Variants in CSMD1 observed in about 807,000 individuals in gnomAD.
CSMD1 encodes CUB and sushi domain-containing protein 1.
A neutral mutation model predicts 417.5 loss-of-function variants in CSMD1; 213 were observed. The observed-to-expected ratio is 0.51, with a 90% CI of 0.46 to 0.57. The LOEUF is 0.57. Among genes scored for constraint, CSMD1 ranks in the 20% least tolerant of loss-of-function variants. The pLI, the probability that CSMD1 is intolerant of heterozygous loss-of-function variation, is 0.00. For missense variants in CSMD1, 6,923 were observed against 4,529.7 expected, an observed-to-expected ratio of 1.53 and a Z score of -15.17; for synonymous variants, 2,862 against 1,736.8, an observed-to-expected ratio of 1.65 and a Z score of -16.11.
intron 4 of CSMD1, among the ~76,000 whole-genome samples, chr8:4,018,309 T>C (rs1796619921): frequency 1.3e-5 from 2 of 152,052 alleles, no homozygotes; most frequent in Admixed American, 1.3e-4. Flanking sequence ...GTGGCCATTT[T>C]TATCAAGGCC....
At chr8:4,761,875 CTATCTATCTAT>C (rs1812104740) in intron 1 of CSMD1, among the ~76,000 whole-genome samples, 48 of 94,068 alleles carry the variant, frequency 5.1e-4, no homozygotes, top group Non-Finnish European at 1.0e-3. Flanking sequence ...ATCTATCTAT[CTATCTATCTAT>C]CTACCTACCT....
chr8:3,048,913 T>A (rs1028241868), intron 50 of CSMD1, among the ~76,000 whole-genome samples: 2 of 146,930 alleles, frequency 1.4e-5, no homozygotes, highest in Non-Finnish European at 3.0e-5. Flanking sequence ...TGGCTAAAAA[T>A]GGGCAAAAGG....
At chr8:4,091,710 G>C (rs530827390) in intron 3 of CSMD1, among the ~76,000 whole-genome samples, 57 of 152,280 alleles carry the variant, frequency 3.7e-4, no homozygotes, top group Middle Eastern at 6.8e-3. Flanking sequence ...GCTGATAAAG[G>C]CACAAGCCTC....
rs1319224762 is a variant in CSMD1 at position 3,308,384 on chromosome 8, G to A, written c.3751C>T (p.His1251Tyr). The change falls in exon 24 of 70, where the codon CAT becomes TAT. Residue 1251 changes from histidine (H) to tyrosine (Y), a missense_variant. Coordinates refer to ENST00000635120, the MANE Select transcript of CSMD1 (RefSeq NM_033225.6). ...AAACAGGTCAGGGTGTTGCTGCCATGCATGGCGTACCCCGGGTTGCAACTG... is the reference window on the plus strand; with the variant it reads ...AAACAGGTCAGGGTGTTGCTGCCATACATGGCGTACCCCGGGTTGCAACTG... ...LYSCNPGYAM[H>Y]GSNTLTCLSG... The A allele has an allele frequency of 6.2e-7, 1 of 1,613,812 alleles. No homozygotes were observed. The highest frequency in any genetic ancestry group is 1.1e-5 in the South Asian group (1 of 91,070).
At chr8:3,289,652 T>C (rs76500260) in intron 25 of CSMD1, among the ~76,000 whole-genome samples, 96,696 of 145,878 alleles carry the variant, frequency 0.66, 34,607 homozygotes, top group Middle Eastern at 0.8. Context: ...TCATATCCTT[T>C]GCCCACTTTT....
intron 5 of CSMD1, among the ~76,000 whole-genome samples, chr8:3,836,591 T>C (rs1802722592): frequency 6.6e-6 from 1 of 152,136 alleles, no homozygotes. Context: ...TTGAAGCATA[T>C]TTAAGTAATT....
At chr8:4,309,583 T>C (rs903347094) in intron 3 of CSMD1, among the ~76,000 whole-genome samples, 2 of 152,128 alleles carry the variant, frequency 1.3e-5, no homozygotes, top group Non-Finnish European at 2.9e-5. Flanking sequence ...TCAGTTCATA[T>C]GAAATTCCCT....
At chr8:3,315,872 T>A (rs1365441308) in intron 23 of CSMD1, among the ~76,000 whole-genome samples, 3 of 152,164 alleles carry the variant, frequency 2.0e-5, no homozygotes, top group African/African-American at 7.2e-5. Context: ...TCTTGAAACA[T>A]TTTATAATTT....
chr8:4,401,598 C>G (rs974667490), intron 3 of CSMD1, among the ~76,000 whole-genome samples: 1 of 152,120 alleles, frequency 6.6e-6, no homozygotes, highest in African/African-American at 2.4e-5. Flanking sequence ...TCCTCCATCC[C>G]TGTCACCTCG....
intron 3 of CSMD1, among the ~76,000 whole-genome samples, chr8:4,399,468 G>C (rs996323614): frequency 6.6e-6 from 1 of 152,084 alleles, no homozygotes; most frequent in Admixed American, 6.5e-5. Context: ...GATTTTACTG[G>C]CTTTTCCTCA....
chr8:3,705,098 C>T (rs530427669), intron 7 of CSMD1, among the ~76,000 whole-genome samples: 1 of 152,310 alleles, frequency 6.6e-6, no homozygotes, highest in Non-Finnish European at 1.5e-5. Flanking sequence ...TCAGGCAAGG[C>T]TACTTTCAAA....
intron 7 of CSMD1, among the ~76,000 whole-genome samples, chr8:3,658,707 C>T (rs1798255715): frequency 6.6e-6 from 1 of 151,972 alleles, no homozygotes; most frequent in Non-Finnish European, 1.5e-5. Flanking sequence ...CACTTGAACG[C>T]AGGAGGCTAA....
At chr8:3,044,113 C>A (rs1811285372) in intron 50 of CSMD1, among the ~76,000 whole-genome samples, 1 of 152,044 alleles carries the variant, frequency 6.6e-6, no homozygotes, top group African/African-American at 2.4e-5. Context: ...ATGTTATATT[C>A]TTTTAATCAA....
chr8:3,574,860 G>C lies in CSMD1; in HGVS notation c.1344+85C>G, dbSNP rs376813019. ...AAACAGTAAAGTGTAAGCACGGATA[G>C]CATTTGCTGGGCTGTTTGCTTCAAC... is the stretch of plus-strand genomic sequence containing the variant. On this transcript the variant is annotated intron_variant, in intron 10 of 69. Transcript: ENST00000635120. The C allele has an allele frequency of 1.7e-4, 242 of 1,444,570 alleles. 3 individuals carry two copies. In the South Asian group the frequency reaches 3.0e-3, roughly 18 times the overall value. The allele number at this position is 1,444,570 out of a possible 1,614,324, so 89.5% of individuals were successfully genotyped here. A position where few individuals can be genotyped will look rare whatever the true frequency, so the allele number is the denominator to read the frequency against.
At chr8:4,711,597 T>G (rs534063558) in intron 1 of CSMD1, among the ~76,000 whole-genome samples, 2 of 152,248 alleles carry the variant, frequency 1.3e-5, no homozygotes, top group African/African-American at 4.8e-5. Context: ...GGTACTAAAT[T>G]AGAAATATAG....
intron 11 of CSMD1, among the ~76,000 whole-genome samples, chr8:3,480,046 C>T (rs909409682): frequency 2.0e-5 from 3 of 152,094 alleles, no homozygotes; most frequent in Admixed American, 6.5e-5. Flanking sequence ...CACTAAACAA[C>T]AGAGACAAAA....
chr8:4,220,770 G>T (rs1299951230), intron 3 of CSMD1, among the ~76,000 whole-genome samples: 1 of 152,210 alleles, frequency 6.6e-6, no homozygotes, highest in Non-Finnish European at 1.5e-5. Context: ...AGAATATGGG[G>T]CCACCCAAGA....
chr8:3,591,755 C>G (rs1800856170), intron 8 of CSMD1, among the ~76,000 whole-genome samples: 1 of 149,558 alleles, frequency 6.7e-6, no homozygotes, highest in African/African-American at 2.4e-5. Flanking sequence ...AACGGAGAGA[C>G]AGATGATAGA....
At chr8:4,234,827 A>G (rs550487591) in intron 3 of CSMD1, among the ~76,000 whole-genome samples, 1 of 152,254 alleles carries the variant, frequency 6.6e-6, no homozygotes, top group Non-Finnish European at 1.5e-5. Context: ...AGATAAGAAC[A>G]GTCTCTGCAC....
Sources: allele counts gnomAD v4.1 joint callset (sites outside exome capture counted in the v4.1 genomes callset), GRCh38; gene constraint gnomAD v4.1.1; transcripts MANE v1.5; gene names NCBI Gene and HGNC (gene_info 2026-07-23, HGNC 2026-07-21).